ARID1B: variants seen among roughly 807,000 people sequenced by gnomAD.
The protein encoded by ARID1B is AT-rich interactive domain-containing protein 1B.
A neutral mutation model predicts 212.3 loss-of-function variants in ARID1B; 30 were observed. The ratio of observed to expected loss-of-function variants is 0.14; its 90% confidence interval spans 0.11 to 0.19. ARID1B has a LOEUF of 0.19. ARID1B is among the 10% of genes least tolerant of loss of function. The pLI, the probability that ARID1B is intolerant of heterozygous loss-of-function variation, is 1.00. For synonymous variants in ARID1B, 1,402 were observed against 1,301.7 expected (o/e 1.08, Z -1.66); for missense variants, 2,891 against 3,204.0 (o/e 0.90, Z 2.36).
rs776894668 is a variant in ARID1B, at chr6:157,207,193, G to A, written c.6421G>A (p.Glu2141Lys). The change falls in exon 20 of 20, where the codon GAG becomes AAG. Residue 2141 changes from glutamate (E) to lysine (K), a missense_variant. By Grantham distance (56) the Glu-to-Lys change is moderately conservative. Transcript: ENST00000636930. The surrounding 1 kb of genome is among the most constrained non-coding windows in gnomAD (Gnocchi z 8.5). Reference protein sequence around the residue: ...SKDEWWWDCLEVLRDNTLVTL... With the variant: ...SKDEWWWDCLKVLRDNTLVTL... Reference sequence around the variant, plus strand: ...AGATGAGTGGTGGTGGGACTGCCTCGAGGTCTTGAGGGATAACACGTTGGT... The same window carrying A: ...AGATGAGTGGTGGTGGGACTGCCTCAAGGTCTTGAGGGATAACACGTTGGT... 1.9e-6 allele frequency: 3 copies of A among 1,614,044 alleles called. No individual in the cohort carries two copies. The highest frequency in any genetic ancestry group is 1.1e-5 in the South Asian group (1 of 91,084).
chr6:157,080,601 C>T (rs533268260), intron 4 of ARID1B, among the ~76,000 whole-genome samples: 69 of 152,258 alleles, frequency 4.5e-4, no homozygotes, highest in Non-Finnish European at 8.1e-4. Flanking sequence ...TGAGCCTGCC[C>T]CAACATAGAG....
chr6:157,106,426 C>A (rs113002663), intron 5 of ARID1B, among the ~76,000 whole-genome samples: 1 of 152,172 alleles, frequency 6.6e-6, no homozygotes, highest in East Asian at 1.9e-4. Flanking sequence ...CGGATTGTGG[C>A]AGCTTCATCT....
At chr6:156,889,347 C>T (rs958423546) in intron 2 of ARID1B, among the ~76,000 whole-genome samples, 5 of 152,174 alleles carry the variant, frequency 3.3e-5, no homozygotes, top group African/African-American at 1.2e-4. Flanking sequence ...CGAATACTCT[C>T]GATTGGATCC....
rs1227163403 is a variant in ARID1B at position 156,963,255 on chromosome 6, CA to C, written c.2247+27680del. Among the ~76,000 whole-genome samples, 4 of 152,104 alleles carry C rather than the reference CA, an allele frequency of 2.6e-5. 1 individual carries two copies. The East Asian group carries it at 7.7e-4, about 29-fold the overall frequency. On this transcript the variant is annotated intron_variant, in intron 4 of 19. Coordinates refer to ENST00000636930, the MANE Select transcript of ARID1B (RefSeq NM_001374828.1). ...TTAGGGAGTAACAAAGAAGTCTGTTCAGTGATGTTAAGTTTTCTCTTTCTAA... is the reference window on the plus strand; with the variant it reads ...TTAGGGAGTAACAAAGAAGTCTGTTCGTGATGTTAAGTTTTCTCTTTCTAA...
chr6:156,822,580 G>A (rs757663395), intron 1 of ARID1B, among the ~76,000 whole-genome samples: 1 of 152,260 alleles, frequency 6.6e-6, no homozygotes, highest in Non-Finnish European at 1.5e-5. Flanking sequence ...GTAGGCACTT[G>A]TTATGAAACA....
chr6:157,136,614 C>T (rs1388715516), intron 7 of ARID1B, among the ~76,000 whole-genome samples: 1 of 152,214 alleles, frequency 6.6e-6, no homozygotes, highest in African/African-American at 2.4e-5. Context: ...GTAATCCCAG[C>T]ACTTTGGGAG....
intron 2 of ARID1B, among the ~76,000 whole-genome samples, chr6:156,860,129 TC>T (rs1440142979): frequency 6.6e-6 from 1 of 152,216 alleles, no homozygotes; most frequent in Admixed American, 6.5e-5. Context: ...TATGCATATA[TC>T]TCCCTTTGCA....
At chr6:157,021,265 G>A (rs1421240289) in intron 4 of ARID1B, among the ~76,000 whole-genome samples, 3 of 152,240 alleles carry the variant, frequency 2.0e-5, no homozygotes, top group Non-Finnish European at 2.9e-5. Context: ...GCGGTACAGC[G>A]GGGAGACTCG....
chr6:157,053,658 G>C (rs994213561), intron 4 of ARID1B, among the ~76,000 whole-genome samples: 1 of 152,172 alleles, frequency 6.6e-6, no homozygotes, highest in Admixed American at 6.5e-5. Context: ...TTTGAGTGGG[G>C]TTTGCTTTGT....
intron 4 of ARID1B, among the ~76,000 whole-genome samples, chr6:157,034,890 T>C (rs866524610): frequency 6.6e-6 from 1 of 152,206 alleles, no homozygotes; most frequent in Admixed American, 6.5e-5. Flanking sequence ...ATAAATACTT[T>C]TGTAGAGTTG....
chr6:157,179,389 C>A (rs1792347627), intron 11 of ARID1B, among the ~76,000 whole-genome samples: 1 of 151,806 alleles, frequency 6.6e-6, no homozygotes, highest in African/African-American at 2.4e-5. Flanking sequence ...GCCTTGGGTA[C>A]AAGGATATGA....
At chr6:156,902,931 G>A (rs2128213835) in intron 3 of ARID1B, among the ~76,000 whole-genome samples, 1 of 152,008 alleles carries the variant, frequency 6.6e-6, no homozygotes, top group African/African-American at 2.4e-5. Flanking sequence ...TTTTTCAAGG[G>A]GCTTTCAGAG....
intron 4 of ARID1B, among the ~76,000 whole-genome samples, chr6:156,986,361 T>C (rs1462713339): frequency 1.3e-5 from 2 of 152,226 alleles, no homozygotes; most frequent in Non-Finnish European, 2.9e-5. Context: ...ATTTCAGTTT[T>C]AATTTCTGTT....
At chr6:156,847,774 A>G (rs1486075197) in intron 2 of ARID1B, among the ~76,000 whole-genome samples, 1 of 152,204 alleles carries the variant, frequency 6.6e-6, no homozygotes, top group Non-Finnish European at 1.5e-5. Context: ...TAAGTAAAGT[A>G]TTTTAAGGTT....
At chr6:157,011,117 T>C (rs776953072) in intron 4 of ARID1B, among the ~76,000 whole-genome samples, 1 of 152,262 alleles carries the variant, frequency 6.6e-6, no homozygotes, top group Non-Finnish European at 1.5e-5. Context: ...TCTTTTCATT[T>C]GTTCTACTTT....
intron 2 of ARID1B, among the ~76,000 whole-genome samples, chr6:156,892,134 G>A (rs573900726): frequency 6.7e-6 from 1 of 148,254 alleles, no homozygotes; most frequent in South Asian, 2.1e-4. Flanking sequence ...TCTTGACCTC[G>A]TGATCCAGCC....
chr6:156,799,043 A>G (rs1189901436), intron 1 of ARID1B, among the ~76,000 whole-genome samples: 1 of 152,168 alleles, frequency 6.6e-6, no homozygotes, highest in Non-Finnish European at 1.5e-5. Flanking sequence ...CCACTCTTTA[A>G]ATTTCAACTC....
intron 1 of ARID1B, among the ~76,000 whole-genome samples, chr6:156,784,744 C>A (rs757515771): frequency 2.6e-5 from 4 of 152,064 alleles, no homozygotes; most frequent in Admixed American, 6.5e-5. Context: ...TAAGAAAATT[C>A]TTTCCTTACA....
At chr6:157,152,732 C>G (rs919947431) in intron 8 of ARID1B, among the ~76,000 whole-genome samples, 1 of 152,176 alleles carries the variant, frequency 6.6e-6, no homozygotes, top group Admixed American at 6.5e-5. Context: ...CAGCTTGTTG[C>G]AGCAAACTCG....
Sources: allele counts gnomAD v4.1 joint callset (sites outside exome capture counted in the v4.1 genomes callset), GRCh38; gene constraint gnomAD v4.1.1; non-coding constraint Gnocchi (gnomAD v3.1); transcripts MANE v1.5; gene names NCBI Gene and HGNC (gene_info 2026-07-23, HGNC 2026-07-21).